SLC9A8: variants seen among roughly 807,000 people sequenced by gnomAD.
SLC9A8 encodes sodium/hydrogen exchanger 8.
Under a neutral mutation model 66.6 loss-of-function variants are expected in SLC9A8, and 48 were observed. The observed-to-expected ratio is 0.72, with a 90% confidence interval of 0.57 to 0.92. The LOEUF is 0.92. SLC9A8 is among the 40% of genes least tolerant of loss of function. The pLI is 0.00. For synonymous variants in SLC9A8, 274 were observed against 282.6 expected, an observed-to-expected ratio of 0.97 and a Z score of 0.31; for missense variants, 599 against 747.3, an observed-to-expected ratio of 0.80 and a Z score of 2.31.
intron 3 of SLC9A8, chr20:49,829,082 A>G (rs908697112): frequency 1.3e-5 from 2 of 149,298 alleles, no homozygotes; most frequent in African/African-American, 5.0e-5. Flanking sequence ...ACATTTGAGG[A>G]TGTTTTCGGT....
rs750652466 is a variant in SLC9A8 at position 49,850,797 on chromosome 20, T to C, written c.535-13T>C. The C allele has an allele frequency of 3.1e-6, 5 of 1,612,202 alleles. No individual in the cohort carries two copies. Among genetic ancestry groups the C allele is most frequent in the Non-Finnish European group, 4.2e-6 (5 of 1,179,436 alleles). On this transcript the variant is annotated splice_polypyrimidine_tract_variant and intron_variant, in intron 6 of 15. Transcript: ENST00000361573. ...TTGTGTGTGTCTGTGTGTTTGTGTG[T>C]TTTATTTTACAGGCTGATGTAATCT... is the stretch of plus-strand genomic sequence containing the variant.
intron 3 of SLC9A8, among the ~76,000 whole-genome samples, chr20:49,839,178 TAAAC>T (rs1298359899): frequency 6.6e-6 from 1 of 152,190 alleles, no homozygotes; most frequent in Non-Finnish European, 1.5e-5. Context: ...ATGATGGAAA[TAAAC>T]AGTACACGGC....
At chr20:49,881,096 G>C in intron 13 of SLC9A8, 61 bp downstream of exon 13, 1 of 1,208,070 alleles carries the variant, frequency 8.3e-7, no homozygotes, top group Non-Finnish European at 1.2e-6. Context: ...GCCCCATACA[G>C]GGAGAGCTGT....
intron 4 of SLC9A8, among the ~76,000 whole-genome samples, chr20:49,843,954 C>T (rs1438016050): frequency 6.6e-6 from 1 of 151,852 alleles, no homozygotes; most frequent in Non-Finnish European, 1.5e-5. Flanking sequence ...CCCATCCCCG[C>T]CCCCCCTTTC....
intron 3 of SLC9A8, among the ~76,000 whole-genome samples, chr20:49,827,639 T>C (rs1188352190): frequency 6.6e-6 from 1 of 151,224 alleles, no homozygotes; most frequent in African/African-American, 2.4e-5. Context: ...AATGAAATAC[T>C]TGTAAGCGTA....
Position 49,864,866 on chromosome 20 carries a change from A to AGTGCTGTG in SLC9A8, c.958+26_958+33dup, listed in dbSNP as rs1319706757. The AGTGCTGTG allele has an allele frequency of 4.0e-6, 6 of 1,490,058 alleles. No individual in the cohort carries two copies. The African/African-American group carries it at 6.9e-5, about 17-fold the overall frequency. 92.3% of individuals were successfully genotyped at this position (1,490,058 alleles called of 1,614,324 possible). On this transcript the variant is annotated intron_variant, in intron 10 of 15. Transcript: ENST00000361573. ...TCAGGTAAGTGACAGAGAGCCTGAA[A>AGTGCTGTG]GTGCTGTGGTGATGGCATCTTGTCC...
Position 49,822,074 on chromosome 20 carries a change from G to A in SLC9A8, c.209-987G>A, listed in dbSNP as rs184018746. 3.5e-3 allele frequency among the ~76,000 whole-genome samples: 529 copies of A among 152,264 alleles called. 12 individuals are homozygous for A. Among genetic ancestry groups the A allele is most frequent in the Non-Finnish European group, 3.9e-3 (264 of 67,996 alleles). On this transcript the variant is annotated intron_variant, in intron 2 of 15. Coordinates refer to ENST00000361573, the MANE Select transcript of SLC9A8 (RefSeq NM_015266.3). ...GATAGTGGTAATGACAGCTAATTCC[G>A]AGGGAAGTTGGAGGATTAAATGAGA...
chr20:49,882,463 C>T (rs986153495), intron 13 of SLC9A8, among the ~76,000 whole-genome samples: 3 of 152,230 alleles, frequency 2.0e-5, no homozygotes, highest in Non-Finnish European at 2.9e-5. Context: ...CGTCCCCCTT[C>T]GCTGACCCCT....
chr20:49,846,993 A>T (rs867216099), intron 5 of SLC9A8, among the ~76,000 whole-genome samples: 9 of 152,216 alleles, frequency 5.9e-5, no homozygotes, highest in African/African-American at 1.4e-4. Flanking sequence ...ACATAATTTT[A>T]AAAAATGAGT....
At chr20:49,814,143 A>G (rs6012750) in intron 1 of SLC9A8, among the ~76,000 whole-genome samples, 97,674 of 152,052 alleles carry the variant, frequency 0.64, 32,575 homozygotes, top group African/African-American at 0.81. Flanking sequence ...GACACTAAAC[A>G]GCCTCAGCAG....
chr20:49,848,288 C>T (rs528922529), intron 5 of SLC9A8, among the ~76,000 whole-genome samples: 1 of 152,064 alleles, frequency 6.6e-6, no homozygotes, highest in East Asian at 1.9e-4. Flanking sequence ...GATTGAAAGC[C>T]CTTTGTTTTG....
At chr20:49,814,866 A>T (rs554670249) in intron 1 of SLC9A8, 142 bp from the exon 2 acceptor site, 1 of 574,064 alleles carries the variant, frequency 1.7e-6, no homozygotes. Flanking sequence ...TTTTCTTAGT[A>T]AGTTTCTCTC....
chr20:49,847,862 A>T (rs2088063740), intron 5 of SLC9A8, among the ~76,000 whole-genome samples: 1 of 151,364 alleles, frequency 6.6e-6, no homozygotes, highest in South Asian at 2.1e-4. Flanking sequence ...TATATAAATT[A>T]TATCAACATT....
chr20:49,820,333 C>CA (rs1301617954), intron 2 of SLC9A8, among the ~76,000 whole-genome samples: 3 of 151,040 alleles, frequency 2.0e-5, no homozygotes, highest in African/African-American at 2.4e-5. Context: ...CCTAAAAATA[C>CA]AAAAAAATTA....
chr20:49,880,289 T>G (rs1458477318), intron 12 of SLC9A8, among the ~76,000 whole-genome samples: 3 of 146,274 alleles, frequency 2.1e-5, no homozygotes, highest in Non-Finnish European at 4.5e-5. Flanking sequence ...AGATGTAAAC[T>G]TTACATAAAG....
intron 3 of SLC9A8, among the ~76,000 whole-genome samples, chr20:49,835,585 A>G (rs1412957029): frequency 6.6e-6 from 1 of 151,626 alleles, no homozygotes; most frequent in Admixed American, 6.6e-5. Flanking sequence ...CCTGTCCTGG[A>G]CATTTCGTAT....
Position 49,880,960 on chromosome 20 carries a change from C to G in SLC9A8, c.1195C>G (p.Pro399Ala). 6.2e-7 allele frequency: 1 copy of G among 1,613,918 alleles called. No homozygotes were observed. Among genetic ancestry groups the G allele is most frequent in the African/African-American group, 1.3e-5 (1 of 75,032 alleles). The change falls in exon 13 of 16, where the codon CCT becomes GCT. Residue 399 changes from proline to alanine, a missense_variant. By Grantham distance (27) the Pro-to-Ala change is conservative. Coordinates refer to ENST00000361573, the MANE Select transcript of SLC9A8 (RefSeq NM_015266.3). Reference protein sequence around the residue: ...VLFGRAVNIFPLSYLLNFFRD... With the variant: ...VLFGRAVNIFALSYLLNFFRD... The stretch of plus-strand genomic sequence containing the variant: ...ATTTGGCAGAGCGGTAAACATTTTC[C>G]CTCTTTCCTACCTCCTGAATTTCTT...
At chr20:49,857,192 C>G (rs1470781821) in intron 8 of SLC9A8, among the ~76,000 whole-genome samples, 1 of 152,100 alleles carries the variant, frequency 6.6e-6, no homozygotes, top group African/African-American at 2.4e-5. Flanking sequence ...GAAAAGAGCC[C>G]CGGATAATGT....
At chr20:49,834,175 C>CTA (rs2087338512) in intron 3 of SLC9A8, among the ~76,000 whole-genome samples, 4 of 57,920 alleles carry the variant, frequency 6.9e-5, no homozygotes, top group Admixed American at 1.8e-4. Flanking sequence ...CTCTCTCTCT[C>CTA]TCTCTCTCTC....
Sources: gnomAD v4.1 joint callset for allele counts (sites outside exome capture counted in the v4.1 genomes callset) on GRCh38, gnomAD v4.1.1 for gene constraint, MANE v1.5 for transcripts, NCBI Gene and HGNC (gene_info 2026-07-23, HGNC 2026-07-21) for gene names.